Variants in EVA1A observed in about 807,000 individuals in gnomAD.
The protein encoded by EVA1A is protein eva-1 homolog A.
Under a neutral mutation model 9.8 loss-of-function variants are expected in EVA1A, and 7 were observed. The observed-to-expected ratio is 0.71, with a 90% CI of 0.41 to 1.34. The LOEUF (loss-of-function observed/expected upper bound fraction) is 1.34, where lower values mean the gene tolerates loss of function less well. Among genes scored for constraint, EVA1A ranks in the 40% most tolerant of loss-of-function variants. The probability of loss-of-function intolerance (pLI) is 0.01; values close to 1 mark genes in which losing one functional copy is unlikely to be tolerated. For missense variants in EVA1A, 206 were observed against 205.9 expected (o/e 1.00, Z 0.00); for synonymous variants, 90 against 85.6 (o/e 1.05, Z -0.28).
At chr2:75,560,123 A>G (rs1676871825) in intron 1 of EVA1A, among the ~76,000 whole-genome samples, 1 of 152,010 alleles carries the variant, frequency 6.6e-6, no homozygotes, top group Non-Finnish European at 1.5e-5. Context: ...TCCAAAAGCA[A>G]AGCGTCCCAC....
intron 1 of EVA1A, among the ~76,000 whole-genome samples, chr2:75,559,497 C>A (rs1676838588): frequency 6.6e-6 from 1 of 152,156 alleles, no homozygotes. Flanking sequence ...TTCAAGCCAG[C>A]CTTCTGAACA....
At chr2:75,536,945 C>G (rs987105393) in intron 1 of EVA1A, among the ~76,000 whole-genome samples, 9 of 152,228 alleles carry the variant, frequency 5.9e-5, no homozygotes, top group South Asian at 4.2e-4. Flanking sequence ...GGGATACTTC[C>G]CAATTCATTT....
At chr2:75,546,378 C>T (rs1277356420) in intron 1 of EVA1A, among the ~76,000 whole-genome samples, 1 of 152,038 alleles carries the variant, frequency 6.6e-6, no homozygotes, top group Non-Finnish European at 1.5e-5. Flanking sequence ...AATGAATGAG[C>T]AAAGTGCCAA....
chr2:75,556,344 G>A (rs1676711662), intron 1 of EVA1A, among the ~76,000 whole-genome samples: 1 of 152,194 alleles, frequency 6.6e-6, no homozygotes, highest in Non-Finnish European at 1.5e-5. Flanking sequence ...AAAGTCTGCT[G>A]CAGGTCACTT....
chr2:75,528,245 C>T (rs1675521655), intron 1 of EVA1A, among the ~76,000 whole-genome samples: 1 of 152,156 alleles, frequency 6.6e-6, no homozygotes, highest in South Asian at 2.1e-4. Flanking sequence ...GAATTTTCCT[C>T]AGATTCCTAG....
chr2:75,536,808 T>G (rs970642907), intron 1 of EVA1A, among the ~76,000 whole-genome samples: 4 of 152,116 alleles, frequency 2.6e-5, no homozygotes, highest in African/African-American at 9.7e-5. Context: ...AATTCGTAAT[T>G]TTAACCCCCC....
chr2:75,494,239 T>C (rs1674127791), intron 3 of EVA1A, among the ~76,000 whole-genome samples: 1 of 152,172 alleles, frequency 6.6e-6, no homozygotes, highest in Admixed American at 6.5e-5. Context: ...AGATGAGAAA[T>C]CCACATATAA....
upstream of EVA1A, among the ~76,000 whole-genome samples, chr2:75,564,803 A>T: frequency 6.6e-6 from 1 of 152,182 alleles, no homozygotes; most frequent in East Asian, 1.9e-4. Context: ...TAATTTGATG[A>T]TTTTACACAA....
At chr2:75,543,104 A>C (rs1236187977) in intron 1 of EVA1A, among the ~76,000 whole-genome samples, 1 of 152,228 alleles carries the variant, frequency 6.6e-6, no homozygotes, top group African/African-American at 2.4e-5. Context: ...ACTGGGCATA[A>C]AAAGAATTTC....
chr2:75,551,697 T>G (rs1329373436), intron 1 of EVA1A, among the ~76,000 whole-genome samples: 1 of 152,228 alleles, frequency 6.6e-6, no homozygotes, highest in Non-Finnish European at 1.5e-5. Context: ...CTAGGTTTAC[T>G]CAGCTGTAAA....
intron 1 of EVA1A, among the ~76,000 whole-genome samples, chr2:75,557,150 G>A (rs946428946): frequency 1.3e-5 from 2 of 152,188 alleles, no homozygotes; most frequent in African/African-American, 4.8e-5. Flanking sequence ...AGCTGTGCAG[G>A]ACAGCTGTGG....
At chr2:75,533,503 T>C (rs1676830236) in intron 1 of EVA1A, among the ~76,000 whole-genome samples, 1 of 152,146 alleles carries the variant, frequency 6.6e-6, no homozygotes, top group East Asian at 1.9e-4. Context: ...AAGAAAAGAA[T>C]TTTAAAAAGA....
intron 1 of EVA1A, among the ~76,000 whole-genome samples, chr2:75,566,705 C>A (rs1486492297): frequency 1.3e-5 from 2 of 152,278 alleles, no homozygotes; most frequent in East Asian, 1.9e-4. Context: ...TTGCTTGGGG[C>A]AATAGAGTAG....
chr2:75,529,497 C>T (rs1232871029), intron 1 of EVA1A, among the ~76,000 whole-genome samples: 1 of 152,122 alleles, frequency 6.6e-6, no homozygotes, highest in African/African-American at 2.4e-5. Context: ...ATATGATAGA[C>T]CACAAAACAA....
At chr2:75,545,296 A>T (rs768726730) in intron 1 of EVA1A, among the ~76,000 whole-genome samples, 2 of 147,888 alleles carry the variant, frequency 1.4e-5, no homozygotes, top group Non-Finnish European at 3.1e-5. Context: ...GCTTGAGAAT[A>T]AAAAAAATGC....
chr2:75,509,955 T>C (rs1674752285), intron 3 of EVA1A, among the ~76,000 whole-genome samples: 1 of 152,172 alleles, frequency 6.6e-6, no homozygotes, highest in Admixed American at 6.5e-5. Flanking sequence ...GAAATATAGA[T>C]TAAACAAAAA....
chr2:75,503,598 T>C (rs1674509310), intron 3 of EVA1A, among the ~76,000 whole-genome samples: 1 of 152,212 alleles, frequency 6.6e-6, no homozygotes, highest in East Asian at 1.9e-4. Context: ...ACCTTCTCTC[T>C]GCCTGGGCTT....
At chr2:75,498,366 T>C (rs1674287544) in intron 3 of EVA1A, among the ~76,000 whole-genome samples, 1 of 152,090 alleles carries the variant, frequency 6.6e-6, no homozygotes, top group Non-Finnish European at 1.5e-5. Flanking sequence ...GTTGGAAAAC[T>C]ACCTATCAGG....
chr2:75,507,165 T>C (rs1674645990), intron 3 of EVA1A, among the ~76,000 whole-genome samples: 1 of 152,076 alleles, frequency 6.6e-6, no homozygotes, highest in South Asian at 2.1e-4. Context: ...CGTGTGGAGG[T>C]GGATCTATGG....
Sources: gnomAD v4.1 joint callset for allele counts (sites outside exome capture counted in the v4.1 genomes callset) on GRCh38, gnomAD v4.1.1 for gene constraint, MANE v1.5 for transcripts, NCBI Gene and HGNC (gene_info 2026-07-23, HGNC 2026-07-21) for gene names.